Variants in UTP11 observed in about 807,000 individuals in gnomAD.
UTP11 encodes UTP11 small subunit processome component, also known as probable U3 small nucleolar RNA-associated protein 11.
Under a neutral mutation model 39.0 loss-of-function variants are expected in UTP11, and 29 were observed. The ratio of observed to expected loss-of-function variants is 0.74; its 90% CI spans 0.55 to 1.01. The LOEUF is 1.01. Ranked by LOEUF, UTP11 falls within the 50% of genes least tolerant of loss-of-function variation. The pLI, the probability that UTP11 is intolerant of heterozygous loss-of-function variation, is 0.00. For synonymous variants in UTP11, 111 were observed against 105.0 expected (o/e 1.06, Z -0.35); for missense variants, 281 against 306.0 (o/e 0.92, Z 0.61).
At chr1:38,020,717 A>C (rs941864425) in intron 6 of UTP11, among the ~76,000 whole-genome samples, 1 of 152,244 alleles carries the variant, frequency 6.6e-6, no homozygotes, top group Non-Finnish European at 1.5e-5. Flanking sequence ...TAGTTTGACT[A>C]TATTGGGTAA....
Position 38,012,878 on chromosome 1 carries a change from A to T in UTP11, c.63+13A>T, listed in dbSNP as rs1646685938. 2 of 1,614,146 alleles carry T rather than the reference A, an allele frequency of 1.2e-6. No individual in the cohort carries two copies. Among genetic ancestry groups the T allele is most frequent in the Non-Finnish European group, 1.7e-6 (2 of 1,180,032 alleles). On this transcript the variant is annotated intron_variant, in intron 1 of 7. Transcript: ENST00000373014. ...AGAGCGAAGCCAGGTAGGACCATAC[A>T]GGCCCCACAAGTGCTGGCCTTTGTC... is the stretch of plus-strand genomic sequence containing the variant.
At chr1:38,017,303 C>G (rs956976283) in intron 2 of UTP11, 1 of 166,194 alleles carries the variant, frequency 6.0e-6, no homozygotes, top group African/African-American at 2.4e-5. Flanking sequence ...TGTGTAGTTT[C>G]TGAATTACAT....
At chr1:38,015,523 G>C (rs1646703127) in intron 1 of UTP11, among the ~76,000 whole-genome samples, 1 of 152,148 alleles carries the variant, frequency 6.6e-6, no homozygotes, top group African/African-American at 2.4e-5. Context: ...GGTAACAATA[G>C]TGCCTGTTTC....
At chr1:38,014,567 C>G (rs1646696797) in intron 1 of UTP11, among the ~76,000 whole-genome samples, 1 of 152,152 alleles carries the variant, frequency 6.6e-6, no homozygotes, top group Non-Finnish European at 1.5e-5. Context: ...GACCCTTTAG[C>G]TTGCTTTCTC....
At chr1:38,013,264 AC>A (rs1297507176) in intron 1 of UTP11, among the ~76,000 whole-genome samples, 1 of 152,166 alleles carries the variant, frequency 6.6e-6, no homozygotes, top group Non-Finnish European at 1.5e-5. Context: ...GGGGGCCCTG[AC>A]CGAAGAGACT....
In UTP11 at chr1:38,016,466, A is replaced by G. The variant is rs556873183; in HGVS notation, c.125+46A>G. 3.8e-5 allele frequency: 60 copies of G among 1,593,300 alleles called. No individual in the cohort carries two copies. The Middle Eastern group carries it at 6.7e-4, about 18-fold the overall frequency. ...AGAGGCGCTGCCAAGAAAGCTTACA[A>G]CCTCCTTGCACTGCAGCTGAATTGC... On this transcript the variant is annotated intron_variant, in intron 2 of 7. Transcript: ENST00000373014.
chr1:38,019,729 C>T (rs1646726450), intron 6 of UTP11, among the ~76,000 whole-genome samples: 1 of 152,188 alleles, frequency 6.6e-6, no homozygotes, highest in African/African-American at 2.4e-5. Flanking sequence ...GTTGATCTGC[C>T]TGCCTTGGCC....
chr1:38,013,988 T>C (rs746912656), intron 1 of UTP11, among the ~76,000 whole-genome samples: 18 of 152,260 alleles, frequency 1.2e-4, no homozygotes, highest in Non-Finnish European at 2.4e-4. Context: ...GTGCTGGGAT[T>C]ACAGGCGTGA....
intron 1 of UTP11, among the ~76,000 whole-genome samples, chr1:38,013,275 T>G (rs758759515): frequency 1.1e-4 from 17 of 152,242 alleles, no homozygotes; most frequent in Non-Finnish European, 2.2e-4. Flanking sequence ...CCGAAGAGAC[T>G]GTGGTTACTA....
At chr1:38,016,315 T>G (rs1646706868) in intron 1 of UTP11, 44 bp from the exon 2 acceptor site, 1 of 1,598,776 alleles carries the variant, frequency 6.3e-7, no homozygotes, top group East Asian at 2.2e-5. Context: ...GATATGTGTT[T>G]GCGGAGGAAA....
rs1489353101 is a variant in UTP11, at chr1:38,024,029, G to C, written c.*401G>C. On this transcript the variant is annotated 3_prime_UTR_variant, in exon 8 of 8. Transcript: ENST00000373014. Reference sequence around the variant, plus strand: ...ATGTTTAAATTTTCTGTAGAGACCAGGTTTTGCCATGTTGGCCAGGCTGGT... The same window carrying C: ...ATGTTTAAATTTTCTGTAGAGACCACGTTTTGCCATGTTGGCCAGGCTGGT... 1 of 153,638 alleles carries C rather than the reference G, an allele frequency of 6.5e-6. No homozygotes were observed. The highest frequency in any genetic ancestry group is 2.4e-5 in the African/African-American group (1 of 41,450). 9.5% of individuals were successfully genotyped at this position (153,638 alleles called of 1,614,324 possible).
chr1:38,019,914 A>G (rs1311047284), intron 6 of UTP11, among the ~76,000 whole-genome samples: 1 of 152,208 alleles, frequency 6.6e-6, no homozygotes, highest in East Asian at 1.9e-4. Context: ...TATAGTGGTC[A>G]GAAGCTTAGG....
intron 1 of UTP11, among the ~76,000 whole-genome samples, chr1:38,015,163 C>T (rs11584154): frequency 3.3e-5 from 5 of 152,138 alleles, no homozygotes; most frequent in African/African-American, 2.4e-5. Context: ...GCTGGGATTA[C>T]AGGCACCTGC....
chr1:38,014,771 GACCAC>G (rs1212581586), intron 1 of UTP11, among the ~76,000 whole-genome samples: 1 of 152,140 alleles, frequency 6.6e-6, no homozygotes, highest in Non-Finnish European at 1.5e-5. Flanking sequence ...GAGTAGCTGG[GACCAC>G]AGGCGTGTAC....
Position 38,017,706 on chromosome 1 carries a change from G to A in UTP11, c.164G>A (p.Arg55Gln), listed in dbSNP as rs1373774763. 8 of 1,607,256 alleles carry A rather than the reference G, an allele frequency of 5.0e-6. No individual in the cohort carries two copies. Among genetic ancestry groups the A allele is most frequent in the Middle Eastern group, 1.7e-4 (1 of 6,038 alleles). ...RKKQEYLKAL[R>Q]KKALEKNPDE... ...AAACAAGAATACCTCAAAGCTCTTCGGAAGAAGGCTCTTGAAAAAAATCCA... is the reference window on the plus strand; with the variant it reads ...AAACAAGAATACCTCAAAGCTCTTCAGAAGAAGGCTCTTGAAAAAAATCCA... Residue 55 changes from arginine to glutamine, a missense_variant, in exon 3 of 8, where the codon CGG (arginine) becomes CAG (glutamine). Arg to Gln is a conservative substitution (Grantham distance 43). Coordinates refer to ENST00000373014, the MANE Select transcript of UTP11 (RefSeq NM_016037.4).
chr1:38,017,724 A>G lies in UTP11; in HGVS notation c.182A>G (p.Lys61Arg), dbSNP rs777738457. 4.3e-6 allele frequency: 7 copies of G among 1,612,378 alleles called. No homozygotes were observed. The South Asian group carries it at 6.6e-5, about 15-fold the overall frequency. The stretch of plus-strand genomic sequence containing the variant: ...GCTCTTCGGAAGAAGGCTCTTGAAA[A>G]AAATCCAGATGAATTCTACTACAAA... The part of the protein sequence containing the change: ...LKALRKKALE[K>R]NPDEFYYKMT... Residue 61 changes from lysine (K) to arginine (R), a missense_variant, in exon 3 of 8, where the codon AAA becomes AGA. Physicochemically the swap from Lys to Arg is conservative, Grantham distance 26. Coordinates refer to ENST00000373014, the MANE Select transcript of UTP11 (RefSeq NM_016037.4).
At chr1:38,018,019 C>T (rs113951378) in intron 3 of UTP11, among the ~76,000 whole-genome samples, 1,592 of 151,908 alleles carry the variant, frequency 0.01, 9 homozygotes, top group Middle Eastern at 0.024. Context: ...ATTGAACGTA[C>T]GCCTCAGGGG....
chr1:38,016,755 A>C, intron 2 of UTP11: 1 of 282,168 alleles, frequency 3.5e-6, no homozygotes, highest in South Asian at 3.9e-5. Flanking sequence ...TGCAGGATAT[A>C]ATCTGAAATT....
At chr1:38,020,125 A>G (rs901263707) in intron 6 of UTP11, among the ~76,000 whole-genome samples, 2 of 151,282 alleles carry the variant, frequency 1.3e-5, no homozygotes, top group African/African-American at 4.9e-5. Flanking sequence ...TTTTCTTGAG[A>G]CAGGGTCTCA....
Sources: gnomAD v4.1 joint callset for allele counts (sites outside exome capture counted in the v4.1 genomes callset) on GRCh38, gnomAD v4.1.1 for gene constraint, MANE v1.5 for transcripts, NCBI Gene and HGNC (gene_info 2026-07-23, HGNC 2026-07-21) for gene names.